Variants in HAPLN1 observed in about 807,000 individuals in gnomAD.
The protein encoded by HAPLN1 is hyaluronan and proteoglycan link protein 1.
In HAPLN1, 13 loss-of-function variants were observed where a neutral mutation model predicts 36.5. The ratio of observed to expected loss-of-function variants is 0.36; its 90% CI spans 0.23 to 0.57. The LOEUF (loss-of-function observed/expected upper bound fraction) is 0.57. Ranked by LOEUF, HAPLN1 falls within the 20% of genes least tolerant of loss-of-function variation. The pLI is 0.83. For synonymous variants in HAPLN1, 202 were observed against 169.8 expected, an observed-to-expected ratio of 1.19 and a Z score of -1.48; for missense variants, 407 against 439.7, an observed-to-expected ratio of 0.93 and a Z score of 0.66.
chr5:83,666,982 A>G (rs1248461680), intron 2 of HAPLN1, among the ~76,000 whole-genome samples: 2 of 152,198 alleles, frequency 1.3e-5, no homozygotes, highest in Non-Finnish European at 2.9e-5. Context: ...AGTTGGTAAG[A>G]AAATATATAT....
intron 1 of HAPLN1, among the ~76,000 whole-genome samples, chr5:83,708,773 C>G (rs1284820023): frequency 6.6e-6 from 1 of 152,198 alleles, no homozygotes; most frequent in African/African-American, 2.4e-5. Flanking sequence ...ACTCTTCCTT[C>G]TGCTACATTA....
chr5:83,691,689 A>G (rs1027635012), intron 1 of HAPLN1, among the ~76,000 whole-genome samples: 1 of 151,982 alleles, frequency 6.6e-6, no homozygotes, highest in South Asian at 2.1e-4. Context: ...GTAAAATTTA[A>G]AACATACGGA....
chr5:83,646,258 C>T (rs1749874736), intron 3 of HAPLN1, among the ~76,000 whole-genome samples: 1 of 152,120 alleles, frequency 6.6e-6, no homozygotes, highest in African/African-American at 2.4e-5. Context: ...CAAGGGCTTG[C>T]CTTGAATTTT....
intron 2 of HAPLN1, among the ~76,000 whole-genome samples, chr5:83,667,669 G>A (rs1750591301): frequency 6.6e-6 from 1 of 152,084 alleles, no homozygotes; most frequent in Non-Finnish European, 1.5e-5. Flanking sequence ...AGAGTAACAT[G>A]TATCCAGTTC....
At chr5:83,707,192 C>T (rs1751673610) in intron 1 of HAPLN1, among the ~76,000 whole-genome samples, 1 of 152,158 alleles carries the variant, frequency 6.6e-6, no homozygotes, top group Non-Finnish European at 1.5e-5. Context: ...CTATTCCTAT[C>T]AAACTACCAG....
intron 1 of HAPLN1, among the ~76,000 whole-genome samples, chr5:83,687,605 A>G (rs1210495563): frequency 6.6e-6 from 1 of 152,202 alleles, no homozygotes; most frequent in Non-Finnish European, 1.5e-5. Flanking sequence ...CAACTTTGCT[A>G]ATTAAAATGC....
chr5:83,660,703 T>G (rs1303388987), intron 2 of HAPLN1, among the ~76,000 whole-genome samples: 3 of 152,156 alleles, frequency 2.0e-5, no homozygotes, highest in Non-Finnish European at 4.4e-5. Flanking sequence ...GCTTCTGCCT[T>G]TCCACATTCA....
chr5:83,644,734 A>G lies in HAPLN1; in HGVS notation c.473-69T>C, dbSNP rs575348569. 20 of 1,191,344 alleles carry G rather than the reference A, an allele frequency of 1.7e-5. No individual in the cohort carries two copies. In the African/African-American group the frequency reaches 2.3e-4, roughly 14 times the overall value. 73.8% of individuals were successfully genotyped at this position (1,191,344 alleles called of 1,614,324 possible). On this transcript the variant is annotated intron_variant, in intron 3 of 4. Transcript: ENST00000274341. ...TAACAACTCTGAGCAAATGCCACCT[A>G]GTTGGTGAAAAACCTAACAGACCCT...
intron 1 of HAPLN1, among the ~76,000 whole-genome samples, chr5:83,702,272 G>C (rs550797131): frequency 6.6e-6 from 1 of 151,720 alleles, no homozygotes; most frequent in African/African-American, 2.4e-5. Flanking sequence ...GCCTTTCATG[G>C]CTTAAAAAAA....
At position 83,638,977 on chromosome 5, in the gene HAPLN1, C is replaced by G. The variant is rs1440682531; in HGVS notation, c.*2519G>C. On this transcript the variant is annotated 3_prime_UTR_variant, in exon 5 of 5. Coordinates refer to ENST00000274341, the MANE Select transcript of HAPLN1 (RefSeq NM_001884.4). ...ATTAAAACAAGGGTTCCTGGCCCAGCCTCCCATCTAATCTCTTTGATACTC... is the reference window on the plus strand; with the variant it reads ...ATTAAAACAAGGGTTCCTGGCCCAGGCTCCCATCTAATCTCTTTGATACTC... 6.6e-6 allele frequency: 1 copy of G among 152,018 alleles called. No individual in the cohort carries two copies. The highest frequency in any genetic ancestry group is 1.5e-5 in the Non-Finnish European group (1 of 67,916). The allele number at this position is 152,018 out of a possible 1,614,324, so 9.4% of individuals were successfully genotyped here. A position where few individuals can be genotyped will look rare whatever the true frequency, so the allele number is the denominator to read the frequency against.
intron 2 of HAPLN1, among the ~76,000 whole-genome samples, chr5:83,654,318 G>C (rs1256979579): frequency 6.6e-6 from 1 of 152,090 alleles, no homozygotes; most frequent in African/African-American, 2.4e-5. Flanking sequence ...TTATTACTTA[G>C]TTAAGAGGAA....
At chr5:83,648,422 T>TATATATATATATATAC (rs1749944444) in intron 3 of HAPLN1, among the ~76,000 whole-genome samples, 1 of 131,810 alleles carries the variant, frequency 7.6e-6, no homozygotes, top group Non-Finnish European at 1.6e-5. Flanking sequence ...TATATATATA[T>TATATATATATATATAC]ATATATATAT....
intron 1 of HAPLN1, among the ~76,000 whole-genome samples, chr5:83,716,944 A>G (rs2112643703): frequency 6.6e-6 from 1 of 152,280 alleles, no homozygotes; most frequent in Non-Finnish European, 1.5e-5. Flanking sequence ...AGGCAGGGGA[A>G]TCGCTTGAAC....
At chr5:83,644,281 A>T in intron 4 of HAPLN1, 82 bp downstream of exon 4, 1 of 1,069,500 alleles carries the variant, frequency 9.4e-7, no homozygotes, top group Non-Finnish European at 1.2e-6. Flanking sequence ...TTCTAAGAAG[A>T]TAAGATTAAA....
At chr5:83,686,668 C>G (rs1033804997) in intron 1 of HAPLN1, among the ~76,000 whole-genome samples, 1 of 152,234 alleles carries the variant, frequency 6.6e-6, no homozygotes, top group Non-Finnish European at 1.5e-5. Context: ...ACACATATCT[C>G]ATCCCCTTCA....
chr5:83,655,005 A>G (rs1750174101), intron 2 of HAPLN1, among the ~76,000 whole-genome samples: 1 of 152,234 alleles, frequency 6.6e-6, no homozygotes, highest in African/African-American at 2.4e-5. Context: ...TACTGCATAG[A>G]TTTTACACAG....
intron 1 of HAPLN1, among the ~76,000 whole-genome samples, chr5:83,712,872 G>T (rs72772941): frequency 0.046 from 6,605 of 142,182 alleles, 363 homozygotes; most frequent in East Asian, 0.32. Flanking sequence ...AGGGGAGGGA[G>T]GAGAACCTGG....
chr5:83,718,436 A>T (rs1454467298), intron 1 of HAPLN1, among the ~76,000 whole-genome samples: 1 of 152,206 alleles, frequency 6.6e-6, no homozygotes, highest in Non-Finnish European at 1.5e-5. Context: ...TAACCACCAC[A>T]GACCCTCCCA....
At chr5:83,691,110 G>C (rs987723980) in intron 1 of HAPLN1, among the ~76,000 whole-genome samples, 3 of 152,016 alleles carry the variant, frequency 2.0e-5, no homozygotes, top group African/African-American at 7.2e-5. Flanking sequence ...AAACAAATGA[G>C]GTGAGTCATA....
Sources: gnomAD v4.1 joint callset for allele counts (sites outside exome capture counted in the v4.1 genomes callset) on GRCh38, gnomAD v4.1.1 for gene constraint, MANE v1.5 for transcripts, NCBI Gene and HGNC (gene_info 2026-07-23, HGNC 2026-07-21) for gene names.